The following OR9Q1 variants were observed in gnomAD, a reference collection of about 807,000 sequenced individuals.
OR9Q1 encodes olfactory receptor 9Q1.
For missense variants in OR9Q1, 374 were observed against 378.8 expected, an observed-to-expected ratio of 0.99 and a Z score of 0.11; for synonymous variants, 153 against 148.6, an observed-to-expected ratio of 1.03 and a Z score of -0.22.
At chr11:58,043,536 C>A (rs1025223631) in intron 1 of OR9Q1, among the ~76,000 whole-genome samples, 5 of 152,192 alleles carry the variant, frequency 3.3e-5, no homozygotes, top group African/African-American at 1.2e-4. Context: ...TATGATCTGA[C>A]CACCTGCTTC....
intron 2 of OR9Q1, among the ~76,000 whole-genome samples, chr11:58,116,238 C>T (rs992226280): frequency 2.0e-5 from 3 of 152,162 alleles, no homozygotes; most frequent in African/African-American, 7.2e-5. Flanking sequence ...CCATCACATT[C>T]ATTCCCCAGG....
chr11:58,171,234 G>A (rs565615131), intron 2 of OR9Q1: 1 of 152,204 alleles, frequency 6.6e-6, no homozygotes, highest in Admixed American at 6.6e-5. Context: ...ACTGCATATT[G>A]TAGAGGGTTT....
chr11:58,066,454 G>C (rs1239755275), intron 2 of OR9Q1, among the ~76,000 whole-genome samples: 1 of 152,080 alleles, frequency 6.6e-6, no homozygotes, highest in African/African-American at 2.4e-5. Flanking sequence ...CGAGGATCTA[G>C]GCACACCTGC....
At chr11:58,092,099 A>G (rs1191765216) in intron 2 of OR9Q1, among the ~76,000 whole-genome samples, 1 of 151,660 alleles carries the variant, frequency 6.6e-6, no homozygotes, top group Non-Finnish European at 1.5e-5. Context: ...TCTTTATCCA[A>G]TTTGCCAGTC....
chr11:58,030,737 T>C (rs1853023731), intron 1 of OR9Q1, among the ~76,000 whole-genome samples: 1 of 152,240 alleles, frequency 6.6e-6, no homozygotes, highest in African/African-American at 2.4e-5. Flanking sequence ...TCCTGCCTTA[T>C]TCTTAGCCAG....
chr11:58,176,102 T>C (rs1854604257), intron 2 of OR9Q1, among the ~76,000 whole-genome samples: 2 of 152,208 alleles, frequency 1.3e-5, no homozygotes, highest in African/African-American at 4.8e-5. Context: ...CTGTGTAGGG[T>C]ACCCAGTTGG....
chr11:58,083,824 G>A (rs1032070354), intron 2 of OR9Q1, among the ~76,000 whole-genome samples: 4 of 151,798 alleles, frequency 2.6e-5, no homozygotes, highest in Non-Finnish European at 5.9e-5. Context: ...CTATGTGTCT[G>A]GTTTTGTACC....
intron 2 of OR9Q1, among the ~76,000 whole-genome samples, chr11:58,089,034 GC>G (rs752619927): frequency 2.0e-5 from 3 of 151,396 alleles, no homozygotes; most frequent in Non-Finnish European, 4.4e-5. Context: ...CCGTCACCAG[GC>G]CCAGCTAATT....
intron 1 of OR9Q1, among the ~76,000 whole-genome samples, chr11:58,042,204 AG>A (rs35851362): frequency 0.25 from 38,663 of 152,058 alleles, 5,535 homozygotes; most frequent in East Asian, 0.6. Context: ...GCCCTGGAAT[AG>A]TCATTTATTC....
At chr11:58,058,832 T>C (rs1186640112) in intron 2 of OR9Q1, among the ~76,000 whole-genome samples, 1 of 152,090 alleles carries the variant, frequency 6.6e-6, no homozygotes, top group Non-Finnish European at 1.5e-5. Flanking sequence ...TCAGGTCCAG[T>C]TAAAGTAACT....
At chr11:58,033,735 T>G (rs977205908) in intron 1 of OR9Q1, among the ~76,000 whole-genome samples, 1 of 151,976 alleles carries the variant, frequency 6.6e-6, no homozygotes, top group African/African-American at 2.4e-5. Flanking sequence ...AATCTGCACA[T>G]GTACCCCCTG....
intron 1 of OR9Q1, among the ~76,000 whole-genome samples, chr11:58,043,447 T>C (rs1442466687): frequency 1.3e-5 from 2 of 152,228 alleles, no homozygotes; most frequent in African/African-American, 2.4e-5. Flanking sequence ...ATTGCTTTTA[T>C]ACTGAAGTAG....
intron 2 of OR9Q1, among the ~76,000 whole-genome samples, chr11:58,065,475 TC>T (rs766251589): frequency 3.9e-5 from 6 of 152,176 alleles, no homozygotes; most frequent in Non-Finnish European, 5.9e-5. Context: ...GCTAAATACT[TC>T]CTGGGCATCT....
intron 2 of OR9Q1, among the ~76,000 whole-genome samples, chr11:58,091,085 A>G (rs1286846075): frequency 6.6e-6 from 1 of 151,788 alleles, no homozygotes; most frequent in Non-Finnish European, 1.5e-5. Context: ...TTTTTTTTAA[A>G]AAAAACAAGC....
intron 2 of OR9Q1, among the ~76,000 whole-genome samples, chr11:58,167,045 T>C (rs1854511675): frequency 6.6e-6 from 1 of 151,300 alleles, no homozygotes; most frequent in East Asian, 1.9e-4. Context: ...CCATTGTCTG[T>C]CATTCTACAT....
chr11:58,048,679 A>AAAATATATATATATAT (rs745596668), intron 1 of OR9Q1, among the ~76,000 whole-genome samples: 10 of 131,392 alleles, frequency 7.6e-5, no homozygotes, highest in African/African-American at 2.8e-4. Flanking sequence ...TAAAAAAAAA[A>AAAATATATATATATAT]ATATATATAT....
chr11:58,065,741 T>C (rs1239509291), intron 2 of OR9Q1, among the ~76,000 whole-genome samples: 2 of 152,134 alleles, frequency 1.3e-5, no homozygotes, highest in Non-Finnish European at 2.9e-5. Flanking sequence ...TAAGGAGTGT[T>C]AGCATTGTGC....
chr11:58,085,786 A>G (rs1442992741), intron 2 of OR9Q1, among the ~76,000 whole-genome samples: 5 of 151,884 alleles, frequency 3.3e-5, no homozygotes, highest in African/African-American at 4.9e-5. Flanking sequence ...TGTCATTGAC[A>G]TTGGGATGAC....
At chr11:58,139,882 T>A (rs1182344759) in intron 2 of OR9Q1, among the ~76,000 whole-genome samples, 3 of 151,916 alleles carry the variant, frequency 2.0e-5, no homozygotes, top group Non-Finnish European at 2.9e-5. Context: ...ATGGTTGAAC[T>A]AGTTTACAGT....
Sources: gnomAD v4.1 joint callset for allele counts (sites outside exome capture counted in the v4.1 genomes callset) on GRCh38, gnomAD v4.1.1 for gene constraint, MANE v1.5 for transcripts, NCBI Gene and HGNC (gene_info 2026-07-23, HGNC 2026-07-21) for gene names.